Variants in MEGF9 observed in about 807,000 individuals in gnomAD.
MEGF9 encodes multiple EGF like domains 9.
A neutral mutation model predicts 46.8 loss-of-function variants in MEGF9; 6 were observed. That is an observed-to-expected ratio of 0.13 (90% CI 0.07 to 0.25). MEGF9 has a LOEUF of 0.25. MEGF9 is among the 10% of genes least tolerant of loss of function. The pLI is 1.00. For synonymous variants in MEGF9, 302 were observed against 330.7 expected, an observed-to-expected ratio of 0.91 and a Z score of 0.94; for missense variants, 683 against 792.4, an observed-to-expected ratio of 0.86 and a Z score of 1.66.
rs1222696779 is a variant in MEGF9 at position 120,604,026 on chromosome 9, A to G, written c.*1164T>C. On this transcript the variant is annotated 3_prime_UTR_variant, in exon 6 of 6. Coordinates refer to ENST00000373930, the MANE Select transcript of MEGF9 (RefSeq NM_001080497.3). ...TTACATTCAAGAAAAACATTTTTTAATGAGGATATGTTTTATATTAATCTA... is the reference window on the plus strand; with the variant it reads ...TTACATTCAAGAAAAACATTTTTTAGTGAGGATATGTTTTATATTAATCTA... 1 of 152,668 alleles carries G rather than the reference A, an allele frequency of 6.6e-6. No individual in the cohort carries two copies. Among genetic ancestry groups the G allele is most frequent in the Non-Finnish European group, 1.5e-5 (1 of 68,040 alleles). 9.5% of individuals were successfully genotyped at this position (152,668 alleles called of 1,614,324 possible).
chr9:120,662,992 T>C (rs2043709443), intron 1 of MEGF9, among the ~76,000 whole-genome samples: 1 of 152,228 alleles, frequency 6.6e-6, no homozygotes. Context: ...ATTTAGGATG[T>C]GGCTTCAGAG....
intron 1 of MEGF9, among the ~76,000 whole-genome samples, chr9:120,695,349 T>C: frequency 6.6e-6 from 1 of 152,018 alleles, no homozygotes; most frequent in East Asian, 1.9e-4. Context: ...CTCACGCCTG[T>C]AATCCCAACA....
intron 2 of MEGF9, among the ~76,000 whole-genome samples, chr9:120,628,263 A>G (rs2043534455): frequency 6.6e-6 from 1 of 152,204 alleles, no homozygotes; most frequent in African/African-American, 2.4e-5. Context: ...CTGGCAAAAG[A>G]TTATCTGAAT....
intron 2 of MEGF9, among the ~76,000 whole-genome samples, chr9:120,656,329 C>T (rs1372578283): frequency 3.9e-5 from 6 of 152,038 alleles, no homozygotes; most frequent in Non-Finnish European, 7.4e-5. Context: ...AGGCAGATCA[C>T]GAGGTCAGGA....
At chr9:120,709,867 G>C (rs745779758) in intron 1 of MEGF9, among the ~76,000 whole-genome samples, 1 of 151,836 alleles carries the variant, frequency 6.6e-6, no homozygotes, top group Non-Finnish European at 1.5e-5. Context: ...TGGCCAACAT[G>C]GTGAAACCCC....
chr9:120,676,682 A>C (rs74349108), intron 1 of MEGF9, among the ~76,000 whole-genome samples: 267 of 152,324 alleles, frequency 1.8e-3, no homozygotes, highest in African/African-American at 6.1e-3. Context: ...TTCCTCCACA[A>C]CAGCTTGTGA....
chr9:120,714,092 T>C lies in MEGF9; in HGVS notation c.267A>G (p.Arg89=). 12 of 1,254,794 alleles carry C rather than the reference T, an allele frequency of 9.6e-6. No homozygotes were observed. Among genetic ancestry groups the C allele is most frequent in the Non-Finnish European group, 1.2e-5 (12 of 999,626 alleles). 77.7% of individuals were successfully genotyped at this position (1,254,794 alleles called of 1,614,324 possible). A position where few individuals can be genotyped will look rare whatever the true frequency, so the allele number is the denominator to read the frequency against. The change falls in exon 1 of 6, where the codon CGA becomes CGG. Residue 89 remains arginine, a synonymous_variant. Coordinates refer to ENST00000373930, the MANE Select transcript of MEGF9 (RefSeq NM_001080497.3). ...GGGCTGGAGAAGTCGCAGCCAGGGG[T>C]CGGTGGACGGTGGCGCGCGGGGGCC... The part of the protein sequence containing the change: ...RTGPPRATVH[R]PLAATSPAQS...
intron 3 of MEGF9, among the ~76,000 whole-genome samples, chr9:120,613,760 G>C (rs2043459227): frequency 6.6e-6 from 1 of 152,040 alleles, no homozygotes; most frequent in African/African-American, 2.4e-5. Flanking sequence ...GGGACACTCA[G>C]AACTACTATT....
At chr9:120,618,005 T>C (rs1587974683) in intron 3 of MEGF9, among the ~76,000 whole-genome samples, 1 of 152,214 alleles carries the variant, frequency 6.6e-6, no homozygotes, top group Admixed American at 6.5e-5. Flanking sequence ...GTGTTAGGTA[T>C]ATAATGCCAA....
intron 2 of MEGF9, among the ~76,000 whole-genome samples, chr9:120,651,210 A>G (rs2132318157): frequency 6.6e-6 from 1 of 152,366 alleles, no homozygotes; most frequent in South Asian, 2.1e-4. Flanking sequence ...TATTATTTAC[A>G]TAACATGAGC....
At chr9:120,612,662 G>T in intron 3 of MEGF9, 123 bp from the exon 4 acceptor site, 1 of 809,282 alleles carries the variant, frequency 1.2e-6, no homozygotes, top group Non-Finnish European at 1.9e-6. Flanking sequence ...ATTGGATAGA[G>T]TTAATTTCTA....
At chr9:120,688,131 A>G (rs1390479222) in intron 1 of MEGF9, among the ~76,000 whole-genome samples, 2 of 12,558 alleles carry the variant, frequency 1.6e-4, no homozygotes, top group East Asian at 5.1e-3. Flanking sequence ...CCTCTCCGCA[A>G]CACACACACA....
At chr9:120,619,657 A>G (rs2043489475) in intron 3 of MEGF9, among the ~76,000 whole-genome samples, 1 of 152,218 alleles carries the variant, frequency 6.6e-6, no homozygotes, top group African/African-American at 2.4e-5. Context: ...TAAAATTGTA[A>G]CTACCATTTT....
rs1466102215 is a variant in MEGF9 at position 120,674,829 on chromosome 9, C to G, written c.602-15254G>C. The stretch of plus-strand genomic sequence containing the variant: ...AAGTGATCCTCCCTCTTCAGCCTCT[C>G]AAAGTGCTAGGATTACAGGTGTGAG... On this transcript the variant is annotated intron_variant, in intron 1 of 5. Transcript: ENST00000373930. Among the ~76,000 whole-genome samples the G allele has an allele frequency of 6.0e-5, 9 of 151,078 alleles. No homozygotes were observed. In the East Asian group the frequency reaches 1.8e-3, roughly 29 times the overall value.
At chr9:120,654,666 C>T (rs758581011) in intron 2 of MEGF9, among the ~76,000 whole-genome samples, 2 of 152,108 alleles carry the variant, frequency 1.3e-5, no homozygotes, top group East Asian at 1.9e-4. Context: ...TGTACATCTA[C>T]GATTTTTAAA....
intron 1 of MEGF9, among the ~76,000 whole-genome samples, chr9:120,660,390 T>C (rs902916997): frequency 6.6e-6 from 1 of 152,248 alleles, no homozygotes; most frequent in African/African-American, 2.4e-5. Context: ...ATTTATCCTT[T>C]GTGTTACAAA....
chr9:120,693,275 C>CAAAAAAAAAAAA (rs10633158), intron 1 of MEGF9, among the ~76,000 whole-genome samples: 9 of 104,400 alleles, frequency 8.6e-5, no homozygotes, highest in Non-Finnish European at 1.3e-4. Flanking sequence ...TCTGGTTAAC[C>CAAAAAAAAAAAA]AAAAAAAAAA....
chr9:120,708,529 TG>T (rs1346078495), intron 1 of MEGF9, among the ~76,000 whole-genome samples: 2 of 152,242 alleles, frequency 1.3e-5, no homozygotes, highest in African/African-American at 4.8e-5. Context: ...TAAGGTTCTT[TG>T]GGGGACATAA....
chr9:120,656,320 GGCA>G (rs2043676536), intron 2 of MEGF9, among the ~76,000 whole-genome samples: 1 of 152,124 alleles, frequency 6.6e-6, no homozygotes, highest in Admixed American at 6.5e-5. Context: ...GGCTAAGGCA[GGCA>G]GATCACGAGG....
Sources: gnomAD v4.1 joint callset for allele counts (sites outside exome capture counted in the v4.1 genomes callset) on GRCh38, gnomAD v4.1.1 for gene constraint, MANE v1.5 for transcripts, NCBI Gene and HGNC (gene_info 2026-07-23, HGNC 2026-07-21) for gene names.